QNG1: variants seen among roughly 807,000 people sequenced by gnomAD.
QNG1 encodes Q-nucleotide N-glycosylase 1, also known as queuosine 5'-phosphate N-glycosylase/hydrolase.
the QNG1 span, among the ~76,000 whole-genome samples, chr9:83,951,262 C>CA: frequency 6.7e-6 from 1 of 149,510 alleles, no homozygotes; most frequent in South Asian, 2.1e-4. Flanking sequence ...TCTCAAAAAA[C>CA]AAAAAACAAA....
At chr9:83,951,950 C>T in the QNG1 span, among the ~76,000 whole-genome samples, 2 of 152,110 alleles carry the variant, frequency 1.3e-5, no homozygotes, top group East Asian at 1.9e-4. Context: ...AATAGGTATA[C>T]GTTAAAAACA....
chr9:83,956,515 C>G, the QNG1 span: 5 of 1,516,268 alleles, frequency 3.3e-6, no homozygotes, highest in African/African-American at 1.4e-5. Flanking sequence ...CCCTTTGGGA[C>G]CCGGCGGGCC....
At chr9:83,945,813 G>A in the QNG1 span, among the ~76,000 whole-genome samples, 4 of 151,718 alleles carry the variant, frequency 2.6e-5, no homozygotes, top group Admixed American at 6.6e-5. Context: ...TGTGTTAGCC[G>A]GGATGGTCTC....
At chr9:83,947,931 C>T in the QNG1 span, among the ~76,000 whole-genome samples, 1 of 152,062 alleles carries the variant, frequency 6.6e-6, no homozygotes, top group African/African-American at 2.4e-5. Flanking sequence ...TGCCCGGCCG[C>T]CACCCCGTAT....
chr9:83,948,101 T>C, the QNG1 span, among the ~76,000 whole-genome samples: 1 of 148,940 alleles, frequency 6.7e-6, no homozygotes. Flanking sequence ...TCGTCTGAGA[T>C]GTGGGGAGCG....
chr9:83,952,223 A>G, the QNG1 span, among the ~76,000 whole-genome samples: 1 of 152,118 alleles, frequency 6.6e-6, no homozygotes, highest in Non-Finnish European at 1.5e-5. Context: ...GGCTCAAGCA[A>G]TCCTCTTACC....
chr9:83,955,313 T>A, the QNG1 span: 2 of 1,514,904 alleles, frequency 1.3e-6, no homozygotes, highest in Non-Finnish European at 1.8e-6. Flanking sequence ...TTAAAATGAG[T>A]TCTGGAAGTA....
the QNG1 span, chr9:83,939,833 A>G: frequency 6.0e-6 from 5 of 829,936 alleles, no homozygotes; most frequent in East Asian, 9.7e-5. Flanking sequence ...GAGTATTTAA[A>G]TGGTACTCAT....
At chr9:83,940,196 G>T in the QNG1 span, among the ~76,000 whole-genome samples, 1 of 152,134 alleles carries the variant, frequency 6.6e-6, no homozygotes, top group Non-Finnish European at 1.5e-5. Context: ...CTTGAGCTCA[G>T]GAGTTCAAGA....
At chr9:83,942,294 G>A in the QNG1 span, among the ~76,000 whole-genome samples, 3 of 152,192 alleles carry the variant, frequency 2.0e-5, no homozygotes, top group Non-Finnish European at 4.4e-5. Context: ...AGTCAGGGAA[G>A]GTAATATGGC....
chr9:83,939,221 G>A, the QNG1 span: 6 of 278,432 alleles, frequency 2.2e-5, no homozygotes, highest in Non-Finnish European at 3.5e-5. Context: ...TTACAGGCAC[G>A]TGCCACCACG....
the QNG1 span, among the ~76,000 whole-genome samples, chr9:83,950,487 T>C: frequency 4.6e-4 from 70 of 152,204 alleles, 1 homozygote; most frequent in Non-Finnish European, 4.4e-4. Context: ...ATTGCTTACA[T>C]GTTTCATGAT....
chr9:83,945,492 A>G, the QNG1 span, among the ~76,000 whole-genome samples: 1 of 151,956 alleles, frequency 6.6e-6, no homozygotes, highest in Non-Finnish European at 1.5e-5. Flanking sequence ...CTCGCTTCCC[A>G]TTTTTCAAGG....
the QNG1 span, among the ~76,000 whole-genome samples, chr9:83,948,246 C>G: frequency 2.0e-5 from 3 of 151,166 alleles, no homozygotes; most frequent in Non-Finnish European, 3.0e-5. Flanking sequence ...CCGGCCGCCC[C>G]GTCTGAGAAG....
At chr9:83,942,572 G>C in the QNG1 span, among the ~76,000 whole-genome samples, 1 of 152,132 alleles carries the variant, frequency 6.6e-6, no homozygotes, top group Non-Finnish European at 1.5e-5. Flanking sequence ...TACCTCACCT[G>C]GTCAAATTAA....
At chr9:83,955,574 C>T in the QNG1 span, 28 of 1,614,030 alleles carry the variant, frequency 1.7e-5, no homozygotes, top group African/African-American at 3.6e-4. Context: ...TGTGTCAGAA[C>T]GAAGTATATT....
the QNG1 span, chr9:83,956,699 G>C: frequency 8.9e-6 from 4 of 450,494 alleles, no homozygotes; most frequent in Non-Finnish European, 1.5e-5. Flanking sequence ...GGAAACCAGA[G>C]AGACCCCGGG....
chr9:83,954,289 AAGG>A, the QNG1 span, among the ~76,000 whole-genome samples: 452 of 152,266 alleles, frequency 3.0e-3, 3 homozygotes, highest in African/African-American at 9.7e-3. Flanking sequence ...AATTTTCCAT[AAGG>A]AGAACATTAC....
chr9:83,948,074 C>G, the QNG1 span, among the ~76,000 whole-genome samples: 1 of 151,400 alleles, frequency 6.6e-6, no homozygotes, highest in African/African-American at 2.4e-5. Context: ...TGAGGAGCGT[C>G]TCTGCCCGGC....
Sources: gnomAD v4.1 joint callset for allele counts (sites outside exome capture counted in the v4.1 genomes callset) on GRCh38, gnomAD v4.1.1 for gene constraint, MANE v1.5 for transcripts, NCBI Gene and HGNC (gene_info 2026-07-23, HGNC 2026-07-21) for gene names.